Variants in LARGE1 observed in about 807,000 individuals in gnomAD.
LARGE1 encodes LARGE xylosyl- and glucuronyltransferase 1.
LARGE1 carries 43 observed loss-of-function variants against 87.6 expected under a neutral mutation model. The ratio of observed to expected loss-of-function variants is 0.49; its 90% CI spans 0.38 to 0.63. The LOEUF (loss-of-function observed/expected upper bound fraction) is 0.63, where lower values mean the gene tolerates loss of function less well. LARGE1 is among the 30% of genes least tolerant of loss of function. The pLI, the probability that LARGE1 is intolerant of heterozygous loss-of-function variation, is 0.00. For missense variants in LARGE1, 802 were observed against 1,000.2 expected, an observed-to-expected ratio of 0.80 and a Z score of 2.67; for synonymous variants, 434 against 394.6, an observed-to-expected ratio of 1.10 and a Z score of -1.18.
At chr22:33,903,113 CAA>C (rs1177733874) in intron 1 of LARGE1, among the ~76,000 whole-genome samples, 1 of 152,132 alleles carries the variant, frequency 6.6e-6, no homozygotes, top group African/African-American at 2.4e-5. Context: ...GCCCAGGCAA[CAA>C]GAGCGAAACT....
chr22:33,746,879 G>T (rs539478903), intron 2 of LARGE1, among the ~76,000 whole-genome samples: 1 of 152,232 alleles, frequency 6.6e-6, no homozygotes, highest in African/African-American at 2.4e-5. Context: ...GAACCCAGAG[G>T]CTGCACTTAA....
At chr22:33,785,124 C>G (rs11912396) in intron 1 of LARGE1, among the ~76,000 whole-genome samples, 1 of 36,056 alleles carries the variant, frequency 2.8e-5, no homozygotes, top group Non-Finnish European at 5.5e-5. Flanking sequence ...TGTGTATATG[C>G]ATATATGTGT....
intron 1 of LARGE1, among the ~76,000 whole-genome samples, chr22:33,915,848 T>C (rs2065771698): frequency 6.6e-6 from 1 of 152,200 alleles, no homozygotes. Context: ...CTATGACTAT[T>C]CTCCATACAC....
chr22:33,308,930 T>C (rs117900090), intron 11 of LARGE1, among the ~76,000 whole-genome samples: 1 of 152,202 alleles, frequency 6.6e-6, no homozygotes, highest in African/African-American at 2.4e-5. Context: ...CAGCAGGTAC[T>C]CAGTATATGA....
intron 1 of LARGE1, among the ~76,000 whole-genome samples, chr22:33,775,445 T>G (rs1001981105): frequency 1.3e-5 from 2 of 152,216 alleles, no homozygotes; most frequent in Non-Finnish European, 1.5e-5. Flanking sequence ...TGCTAGACTT[T>G]CCCACACCAA....
At chr22:33,643,291 T>A (rs2080502505) in intron 3 of LARGE1, among the ~76,000 whole-genome samples, 1 of 152,166 alleles carries the variant, frequency 6.6e-6, no homozygotes, top group East Asian at 1.9e-4. Context: ...TGCTCCTGAA[T>A]GACTACTGGG....
intron 6 of LARGE1, among the ~76,000 whole-genome samples, chr22:33,454,885 T>C (rs2147952274): frequency 6.6e-6 from 1 of 152,278 alleles, no homozygotes; most frequent in African/African-American, 2.4e-5. Flanking sequence ...AAACCATTTA[T>C]GAAGAATCCA....
chr22:33,857,174 C>T (rs562618142), intron 1 of LARGE1, among the ~76,000 whole-genome samples: 4 of 152,330 alleles, frequency 2.6e-5, no homozygotes, highest in Admixed American at 2.6e-4. Context: ...TTCTCAGCCT[C>T]CCAGAAGTGC....
intron 1 of LARGE1, among the ~76,000 whole-genome samples, chr22:33,802,292 C>G (rs952344993): frequency 6.6e-6 from 1 of 152,220 alleles, no homozygotes; most frequent in Non-Finnish European, 1.5e-5. Flanking sequence ...GGAAGCACTA[C>G]AGAGATGGCT....
chr22:33,335,649 A>G (rs186471553), intron 10 of LARGE1, among the ~76,000 whole-genome samples: 4 of 152,308 alleles, frequency 2.6e-5, no homozygotes, highest in Admixed American at 2.6e-4. Flanking sequence ...GCTCCTGCCT[A>G]CCTGAGCCCT....
At chr22:33,632,863 C>T (rs1202856090) in intron 3 of LARGE1, among the ~76,000 whole-genome samples, 3 of 152,176 alleles carry the variant, frequency 2.0e-5, no homozygotes, top group African/African-American at 7.2e-5. Context: ...AAAAGCTTTA[C>T]AAAGCTCTTG....
chr22:33,700,911 G>A (rs1008847067), intron 2 of LARGE1, among the ~76,000 whole-genome samples: 8 of 152,304 alleles, frequency 5.3e-5, no homozygotes, highest in South Asian at 2.1e-4. Context: ...GGTGTAGCCC[G>A]AGAGTGGATT....
In LARGE1 at chr22:33,598,853, T is replaced by C. The variant is rs550395159; in HGVS notation, c.615+5582A>G. Among the ~76,000 whole-genome samples the C allele has an allele frequency of 5.3e-5, 8 of 152,346 alleles. No homozygotes were observed. The East Asian group carries it at 1.3e-3, about 26-fold the overall frequency. On this transcript the variant is annotated intron_variant, in intron 5 of 14. Coordinates refer to ENST00000397394, the MANE Select transcript of LARGE1 (RefSeq NM_133642.5). ...AAACATACATGTGCATGTGTCTTTA[T>C]AGTAGAATGATTTATAATCCTTTGG...
chr22:33,600,599 T>C (rs547880266), intron 5 of LARGE1, among the ~76,000 whole-genome samples: 12 of 144,384 alleles, frequency 8.3e-5, no homozygotes, highest in African/African-American at 2.6e-4. Flanking sequence ...AGGAAGGAGG[T>C]TGGGCAACAG....
the LARGE1 span, among the ~76,000 whole-genome samples, chr22:33,099,348 G>A: frequency 0.2 from 30,336 of 151,938 alleles, 3,139 homozygotes; most frequent in African/African-American, 0.25. Flanking sequence ...CTGCCTCCTG[G>A]GTTTAAGCGA....
chr22:33,886,126 G>A (rs1404242196), intron 1 of LARGE1, among the ~76,000 whole-genome samples: 4 of 152,164 alleles, frequency 2.6e-5, no homozygotes, highest in African/African-American at 9.7e-5. Flanking sequence ...TAACCACGCA[G>A]CCAAGCTGAG....
intron 7 of LARGE1, among the ~76,000 whole-genome samples, chr22:33,404,688 G>A (rs185379071): frequency 2.0e-4 from 30 of 152,316 alleles, no homozygotes; most frequent in African/African-American, 6.7e-4. Context: ...CGTGTCAATC[G>A]TTTAAACAGA....
intron 11 of LARGE1, among the ~76,000 whole-genome samples, chr22:33,181,529 T>C (rs1321703788): frequency 8.5e-5 from 11 of 129,632 alleles, no homozygotes; most frequent in Admixed American, 3.9e-4. Flanking sequence ...TTAGGCTACA[T>C]TACTCTTTTT....
chr22:33,414,549 T>G (rs1001139023), intron 7 of LARGE1, among the ~76,000 whole-genome samples: 10 of 152,174 alleles, frequency 6.6e-5, no homozygotes, highest in African/African-American at 2.4e-4. Context: ...TGGCAACTCA[T>G]GTTCAGATGC....
Sources: gnomAD v4.1 joint callset for allele counts (sites outside exome capture counted in the v4.1 genomes callset) on GRCh38, gnomAD v4.1.1 for gene constraint, MANE v1.5 for transcripts, NCBI Gene and HGNC (gene_info 2026-07-23, HGNC 2026-07-21) for gene names.